FHL5: variants seen among roughly 807,000 people sequenced by gnomAD.
FHL5 encodes the protein four and a half LIM domains 5, also known as four and a half LIM domains protein 5.
In FHL5, 33 loss-of-function variants were observed where a neutral mutation model predicts 32.0. The ratio of observed to expected loss-of-function variants is 1.03; its 90% CI spans 0.78 to 1.38. FHL5 has a LOEUF of 1.38. Among genes scored for constraint, FHL5 ranks in the 40% most tolerant of loss-of-function variants. The pLI, the probability that FHL5 is intolerant of heterozygous loss-of-function variation, is 0.00. For missense variants in FHL5, 336 were observed against 343.9 expected, an observed-to-expected ratio of 0.98 and a Z score of 0.18; for synonymous variants, 114 against 113.6, an observed-to-expected ratio of 1.00 and a Z score of -0.02.
At chr6:96,614,885 G>A (rs376962888) in intron 5 of FHL5, among the ~76,000 whole-genome samples, 4 of 152,214 alleles carry the variant, frequency 2.6e-5, no homozygotes, top group Non-Finnish European at 5.9e-5. Flanking sequence ...TAAAGTGGAG[G>A]AGGCTGACAA....
intron 1 of FHL5, among the ~76,000 whole-genome samples, chr6:96,585,239 A>G (rs1261011654): frequency 6.6e-6 from 1 of 152,186 alleles, no homozygotes; most frequent in Non-Finnish European, 1.5e-5. Flanking sequence ...TCTTCCCAAG[A>G]GCATTTTAAT....
chr6:96,602,175 G>C (rs1771161832), intron 1 of FHL5, among the ~76,000 whole-genome samples: 1 of 152,146 alleles, frequency 6.6e-6, no homozygotes, highest in South Asian at 2.1e-4. Flanking sequence ...GAGTTCAAAT[G>C]TAGTCAGTAC....
intron 1 of FHL5, among the ~76,000 whole-genome samples, chr6:96,602,051 A>C (rs1292414863): frequency 3.3e-5 from 5 of 152,202 alleles, no homozygotes; most frequent in African/African-American, 1.2e-4. Flanking sequence ...TCTACTTGTT[A>C]GTGAAGAACA....
At chr6:96,595,093 C>T (rs915988716) in intron 1 of FHL5, among the ~76,000 whole-genome samples, 8 of 151,786 alleles carry the variant, frequency 5.3e-5, no homozygotes, top group East Asian at 1.9e-4. Flanking sequence ...CTAAACCTTC[C>T]GTTAGAGAGT....
chr6:96,604,084 G>A (rs1417496144), intron 2 of FHL5, among the ~76,000 whole-genome samples: 1 of 152,130 alleles, frequency 6.6e-6, no homozygotes, highest in Non-Finnish European at 1.5e-5. Context: ...CCTTCTGGGT[G>A]TGTTTGTTAT....
At chr6:96,573,703 A>G (rs1439902103) in intron 1 of FHL5, among the ~76,000 whole-genome samples, 1 of 151,572 alleles carries the variant, frequency 6.6e-6, no homozygotes, top group East Asian at 1.9e-4. Context: ...TTGTATTTTT[A>G]GTAGAGACGG....
intron 2 of FHL5, among the ~76,000 whole-genome samples, chr6:96,604,376 G>A (rs1771225147): frequency 6.7e-6 from 1 of 148,800 alleles, no homozygotes; most frequent in Non-Finnish European, 1.5e-5. Flanking sequence ...CTTAGGTGAT[G>A]TTATTTTTTG....
chr6:96,573,106 T>G (rs1770513939), intron 1 of FHL5, among the ~76,000 whole-genome samples: 1 of 152,200 alleles, frequency 6.6e-6, no homozygotes, highest in Non-Finnish European at 1.5e-5. Flanking sequence ...CATACATACA[T>G]GTAATTCATT....
intron 1 of FHL5, among the ~76,000 whole-genome samples, chr6:96,571,031 T>C (rs1301499509): frequency 6.6e-6 from 1 of 152,214 alleles, no homozygotes; most frequent in African/African-American, 2.4e-5. Flanking sequence ...AGAGTTATTA[T>C]ATTCCTTTGT....
In FHL5 at chr6:96,604,882, T is replaced by C. The variant is rs772298554; in HGVS notation, c.292T>C (p.Cys98Arg). The change falls in exon 3 of 6, where the codon TGC (cysteine) becomes CGC (arginine). Residue 98 changes from cysteine to arginine, a missense_variant. Physicochemically the swap from Cys to Arg is radical, Grantham distance 180. Transcript: ENST00000450218. ...LLCTECYSNECSSKCFHCKRT... is the reference protein window; with the variant it reads ...LLCTECYSNERSSKCFHCKRT... The stretch of plus-strand genomic sequence containing the variant: ...GTGCACGGAGTGCTATTCTAACGAG[T>C]GCTCCTCCAAGTGCTTCCACTGCAA... The C allele has an allele frequency of 2.5e-6, 4 of 1,612,392 alleles. No individual in the cohort carries two copies. In the South Asian group the frequency reaches 4.4e-5, roughly 18 times the overall value.
At chr6:96,589,301 A>G (rs940146016) in intron 1 of FHL5, among the ~76,000 whole-genome samples, 19 of 152,260 alleles carry the variant, frequency 1.2e-4, no homozygotes, top group Admixed American at 7.8e-4. Context: ...ACATCTTGTT[A>G]CATTTAAGAC....
At chr6:96,574,193 T>C (rs896337234) in intron 1 of FHL5, among the ~76,000 whole-genome samples, 1 of 152,212 alleles carries the variant, frequency 6.6e-6, no homozygotes, top group Admixed American at 6.5e-5. Flanking sequence ...TTAGTAAATA[T>C]ATATTCTTTA....
At chr6:96,584,197 T>C (rs923962651) in intron 1 of FHL5, among the ~76,000 whole-genome samples, 1 of 152,124 alleles carries the variant, frequency 6.6e-6, no homozygotes, top group Non-Finnish European at 1.5e-5. Flanking sequence ...AAATATGAAC[T>C]AATGAGAACA....
chr6:96,604,846 G>T lies in FHL5; in HGVS notation c.256G>T (p.Glu86Ter), dbSNP rs1401532284. 2 of 1,614,084 alleles carry T rather than the reference G, an allele frequency of 1.2e-6. No individual in the cohort carries two copies. The highest frequency in any genetic ancestry group is 1.7e-5 in the Admixed American group (1 of 60,022). ...LVEKPFAAKD[E>*]RLLCTECYSN... ...GGAAAAGCCTTTTGCTGCCAAGGAT[G>T]AGCGCCTGCTGTGCACGGAGTGCTA... The change falls in exon 3 of 6, where the codon GAG becomes TAG. Residue 86 changes from glutamate to a stop codon, truncating the protein, a stop_gained. Transcript: ENST00000450218. LOFTEE classifies it high-confidence loss of function.
Position 96,598,678 on chromosome 6 carries a change from T to C in FHL5, c.-12-4924T>C, listed in dbSNP as rs551311377. Among the ~76,000 whole-genome samples, 4 of 152,306 alleles carry C rather than the reference T, an allele frequency of 2.6e-5. No homozygotes were observed. In the South Asian group the frequency reaches 8.3e-4, roughly 32 times the overall value. On this transcript the variant is annotated intron_variant, in intron 1 of 5. Transcript: ENST00000450218. ...GGTGCACCTTGGATATTTTTTAAAT[T>C]CTAATGTGTACCCAATGTTTAGAAC...
At chr6:96,576,937 T>C (rs931655172) in intron 1 of FHL5, among the ~76,000 whole-genome samples, 2 of 152,216 alleles carry the variant, frequency 1.3e-5, no homozygotes, top group Non-Finnish European at 2.9e-5. Flanking sequence ...ATTTTCCCCA[T>C]TTCCTTATAT....
chr6:96,597,612 G>A (rs1016468750), intron 1 of FHL5, among the ~76,000 whole-genome samples: 25 of 152,126 alleles, frequency 1.6e-4, no homozygotes, highest in African/African-American at 6.0e-4. Context: ...AGCCATTGAT[G>A]ACCTTGCCCT....
intron 4 of FHL5, among the ~76,000 whole-genome samples, 159 bp from the exon 5 acceptor site, chr6:96,610,413 C>T (rs1771373505): frequency 6.6e-6 from 1 of 152,022 alleles, no homozygotes; most frequent in African/African-American, 2.4e-5. Context: ...AATAGAGTAG[C>T]CAAAAGCACC....
At chr6:96,573,897 T>C (rs910021763) in intron 1 of FHL5, among the ~76,000 whole-genome samples, 3 of 152,152 alleles carry the variant, frequency 2.0e-5, no homozygotes, top group Admixed American at 1.3e-4. Context: ...AATATTTTTC[T>C]TATGTTTCCT....
Sources: allele counts gnomAD v4.1 joint callset (sites outside exome capture counted in the v4.1 genomes callset), GRCh38; gene constraint gnomAD v4.1.1; transcripts MANE v1.5; gene names NCBI Gene and HGNC (gene_info 2026-07-23, HGNC 2026-07-21).